SQLE: variants seen among roughly 807,000 people sequenced by gnomAD.
The protein encoded by SQLE is squalene epoxidase, also known as squalene monooxygenase.
Under a neutral mutation model 60.7 loss-of-function variants are expected in SQLE, and 29 were observed. The observed-to-expected ratio is 0.48, with a 90% confidence interval of 0.36 to 0.65. SQLE has a LOEUF of 0.65. Among genes scored for constraint, SQLE ranks in the 30% least tolerant of loss-of-function variants. The pLI, the probability that SQLE is intolerant of heterozygous loss-of-function variation, is 0.00. For missense variants in SQLE, 605 were observed against 684.1 expected (o/e 0.88, Z 1.29); for synonymous variants, 237 against 246.8 (o/e 0.96, Z 0.37).
chr8:125,007,502 A>G lies in SQLE; in HGVS notation c.822+15A>G. The G allele has an allele frequency of 1.3e-6, 2 of 1,483,416 alleles. No homozygotes were observed. The highest frequency in any genetic ancestry group is 1.8e-6 in the Non-Finnish European group (2 of 1,094,692). The allele number at this position is 1,483,416 out of a possible 1,614,324, so 91.9% of individuals were successfully genotyped here. Reference sequence around the variant, plus strand: ...GAGATATCAAGGTGAGAAATACCAAATGTCACCTCTTCCTAAGAGATGTTG... The same window carrying G: ...GAGATATCAAGGTGAGAAATACCAAGTGTCACCTCTTCCTAAGAGATGTTG... On this transcript the variant is annotated intron_variant, in intron 4 of 10. Transcript: ENST00000265896.
chr8:125,013,816 CTGTT>C (rs1815074254), intron 7 of SQLE, among the ~76,000 whole-genome samples: 1 of 152,168 alleles, frequency 6.6e-6, no homozygotes. Context: ...GTTGAAAAGA[CTGTT>C]TGTTCCCCAG....
chr8:125,017,088 G>T (rs968466569), intron 7 of SQLE, among the ~76,000 whole-genome samples: 2 of 152,066 alleles, frequency 1.3e-5, no homozygotes, highest in Non-Finnish European at 2.9e-5. Flanking sequence ...ACAGCACTGG[G>T]TATTGGTGAA....
intron 9 of SQLE, 24 bp downstream of exon 9, chr8:125,018,751 A>C (rs1368057304): frequency 7.1e-7 from 1 of 1,412,220 alleles, no homozygotes; most frequent in Non-Finnish European, 9.7e-7. Flanking sequence ...CTTTTTAGTG[A>C]ATATTACTCA....
chr8:125,019,055 G>C (rs902626591), intron 9 of SQLE: 51 of 201,632 alleles, frequency 2.5e-4, no homozygotes, highest in Admixed American at 4.9e-4. Context: ...TGTATTAAAA[G>C]GCAATGTAGT....
intron 3 of SQLE, 37 bp from the exon 4 acceptor site, chr8:125,007,354 G>A (rs961033049): frequency 1.4e-6 from 2 of 1,426,964 alleles, no homozygotes; most frequent in Admixed American, 2.3e-5. Flanking sequence ...TTGCTGAAAT[G>A]TGCTGCTTTA....
chr8:125,007,332 AT>A, intron 3 of SQLE, 58 bp from the exon 4 acceptor site: 1 of 1,290,594 alleles, frequency 7.7e-7, no homozygotes, highest in Non-Finnish European at 1.1e-6. Context: ...AGGAATTTAT[AT>A]TTAATTTAAA....
Position 125,009,250 on chromosome 8 carries a change from T to C in SQLE, c.1015T>C (p.Ser339Pro). ...TCCAGTTCTCATCTACCAGATTTCATCCAGTGAAACTCGAGTACTTGTTGA... is the reference window on the plus strand; with the variant it reads ...TCCAGTTCTCATCTACCAGATTTCACCCAGTGAAACTCGAGTACTTGTTGA... ...PSPVLIYQISSSETRVLVDIR... is the reference protein window; with the variant it reads ...PSPVLIYQISPSETRVLVDIR... Residue 339 changes from serine (S) to proline (P), a missense_variant, in exon 6 of 11, where the codon TCC becomes CCC. Ser to Pro is a moderately conservative substitution (Grantham distance 74). Coordinates refer to ENST00000265896, the MANE Select transcript of SQLE (RefSeq NM_003129.4). 1.9e-6 allele frequency: 3 copies of C among 1,613,940 alleles called. No homozygotes were observed. The highest frequency in any genetic ancestry group is 2.5e-6 in the Non-Finnish European group (3 of 1,179,886).
intron 7 of SQLE, among the ~76,000 whole-genome samples, chr8:125,013,656 T>A (rs1050217830): frequency 3.9e-5 from 6 of 152,174 alleles, no homozygotes; most frequent in African/African-American, 7.2e-5. Flanking sequence ...CCTGGCCTGT[T>A]ACTCCTATAT....
intron 10 of SQLE, 78 bp from the exon 11 acceptor site, chr8:125,021,675 T>C: frequency 9.6e-7 from 1 of 1,042,954 alleles, no homozygotes; most frequent in East Asian, 2.6e-5. Flanking sequence ...TTGAGCTTCG[T>C]AGATTATATG....
At chr8:125,009,974 C>T (rs1815015616) in intron 6 of SQLE, among the ~76,000 whole-genome samples, 1 of 152,262 alleles carries the variant, frequency 6.6e-6, no homozygotes, top group East Asian at 1.9e-4. Context: ...ATGACAGCTA[C>T]CATTTCTTGA....
At chr8:125,007,636 T>C (rs1379537779) in intron 4 of SQLE, 149 bp downstream of exon 4, 6 of 515,190 alleles carry the variant, frequency 1.2e-5, no homozygotes, top group Non-Finnish European at 2.0e-5. Context: ...AGATTTTTTA[T>C]TTTTTTCAGA....
In SQLE at chr8:124,999,367, C is replaced by T. The variant is rs997135946; in HGVS notation, c.-37C>T. 2.0e-6 allele frequency: 3 copies of T among 1,476,236 alleles called. No homozygotes were observed. Among genetic ancestry groups the T allele is most frequent in the Non-Finnish European group, 9.0e-7 (1 of 1,113,512 alleles). 91.4% of individuals were successfully genotyped at this position (1,476,236 alleles called of 1,614,324 possible). A position where few individuals can be genotyped will look rare whatever the true frequency, so the allele number is the denominator to read the frequency against. Reference sequence around the variant, plus strand: ...TTAAACCCACTCGAGCAGATAATCTCCGCCTTGACCGGTGCCACCAAAGAA... The same window carrying T: ...TTAAACCCACTCGAGCAGATAATCTTCGCCTTGACCGGTGCCACCAAAGAA... On this transcript the variant is annotated 5_prime_UTR_variant, in exon 1 of 11. Coordinates refer to ENST00000265896, the MANE Select transcript of SQLE (RefSeq NM_003129.4).
chr8:125,006,535 T>C (rs1048943232), intron 3 of SQLE, among the ~76,000 whole-genome samples: 1 of 148,988 alleles, frequency 6.7e-6, no homozygotes, highest in Non-Finnish European at 1.5e-5. Flanking sequence ...GCAGGAGAAT[T>C]GCTTGAACCC....
At chr8:125,000,707 G>A (rs1814830084) in intron 1 of SQLE, among the ~76,000 whole-genome samples, 1 of 152,076 alleles carries the variant, frequency 6.6e-6, no homozygotes, top group African/African-American at 2.4e-5. Context: ...GCCTGCCTCA[G>A]CCTCCCAAAG....
At chr8:125,020,721 T>C (rs1815189292) in intron 9 of SQLE, 63 bp from the exon 10 acceptor site, 3 of 997,004 alleles carry the variant, frequency 3.0e-6, no homozygotes, top group Non-Finnish European at 4.7e-6. Context: ...TTTTTTCTGA[T>C]ATATCATTAG....
At position 124,998,559 on chromosome 8, in the gene SQLE, T is replaced by C; in HGVS notation, c.-845T>C. On this transcript the variant is annotated 5_prime_UTR_variant, in exon 1 of 11. Coordinates refer to ENST00000265896, the MANE Select transcript of SQLE (RefSeq NM_003129.4). Reference sequence around the variant, plus strand: ...GGCGTGCGACGGTTACTCTGGTTACTGGGGCCGCGCCGCGCTGGCGAGAGC... The same window carrying C: ...GGCGTGCGACGGTTACTCTGGTTACCGGGGCCGCGCCGCGCTGGCGAGAGC... 1.5e-6 allele frequency: 1 copy of C among 683,272 alleles called. No homozygotes were observed. Among genetic ancestry groups the C allele is most frequent in the Non-Finnish European group, 2.7e-6 (1 of 376,538 alleles). 42.3% of individuals were successfully genotyped at this position (683,272 alleles called of 1,614,324 possible).
At chr8:125,007,739 T>C (rs1814977191) in intron 4 of SQLE, among the ~76,000 whole-genome samples, 1 of 152,226 alleles carries the variant, frequency 6.6e-6, no homozygotes, top group South Asian at 2.1e-4. Context: ...ACATTACTGC[T>C]CAAAAAGTTT....
rs200561126 is a variant in SQLE, at chr8:125,018,159, A to C, written c.1305A>C (p.Leu435=). 2.4e-4 allele frequency: 389 copies of C among 1,613,872 alleles called. No homozygotes were observed. The East Asian group carries it at 8.0e-3, about 33-fold the overall frequency. ...FKDIKLWRKL[L]KGIPDLYDDA... ...ATATAAAACTATGGAGAAAACTGCT[A>C]AAGGGTATCCCTGACCTTTATGATG... The change falls in exon 8 of 11, where the codon CTA becomes CTC. Residue 435 remains leucine, a synonymous_variant. Coordinates refer to ENST00000265896, the MANE Select transcript of SQLE (RefSeq NM_003129.4).
At chr8:125,008,048 A>T (rs1348902299) in intron 4 of SQLE, among the ~76,000 whole-genome samples, 1 of 152,144 alleles carries the variant, frequency 6.6e-6, no homozygotes, top group Non-Finnish European at 1.5e-5. Flanking sequence ...TAGTAAGAGA[A>T]TCTTTTTAAA....
Sources: allele counts gnomAD v4.1 joint callset (sites outside exome capture counted in the v4.1 genomes callset), GRCh38; gene constraint gnomAD v4.1.1; transcripts MANE v1.5; gene names NCBI Gene and HGNC (gene_info 2026-07-23, HGNC 2026-07-21).